Variants in CPSF6 observed in about 807,000 individuals in gnomAD.
CPSF6 encodes the protein cleavage and polyadenylation specific factor 6.
In CPSF6, 10 loss-of-function variants were observed where a neutral mutation model predicts 56.7. That is an observed-to-expected ratio of 0.18 (90% CI 0.11 to 0.30). The LOEUF (loss-of-function observed/expected upper bound fraction) is 0.30, where lower values mean the gene tolerates loss of function less well. Ranked by LOEUF, CPSF6 falls within the 10% of genes least tolerant of loss-of-function variation. The pLI is 1.00. For synonymous variants in CPSF6, 248 were observed against 244.8 expected (o/e 1.01, Z -0.12); for missense variants, 419 against 722.9 (o/e 0.58, Z 4.82).
chr12:69,247,090 G>A (rs1871948630), intron 1 of CPSF6, among the ~76,000 whole-genome samples: 1 of 150,958 alleles, frequency 6.6e-6, no homozygotes, highest in Non-Finnish European at 1.5e-5. Flanking sequence ...TCGTATATCT[G>A]TGATATTAAA....
At chr12:69,256,580 C>T in intron 3 of CPSF6, 117 bp from the exon 4 acceptor site, 1 of 997,048 alleles carries the variant, frequency 1.0e-6, no homozygotes, top group Non-Finnish European at 1.5e-6. Context: ...AGGCATGAGC[C>T]ACTGTGCCCA....
At position 69,244,638 on chromosome 12, in the gene CPSF6, C is replaced by T. The variant is rs184377338; in HGVS notation, c.60+4932C>T. Among the ~76,000 whole-genome samples the T allele has an allele frequency of 1.6e-3, 245 of 152,188 alleles. 1 individual carries two copies. The highest frequency in any genetic ancestry group is 5.7e-3 in the African/African-American group (238 of 41,512). ...CAAACTCCTGGCCTCATGTGATCCT[C>T]TTGCCTCAGCCTCCCAAAGGAGGCT... is the stretch of plus-strand genomic sequence containing the variant. On this transcript the variant is annotated intron_variant, in intron 1 of 9. Coordinates refer to ENST00000435070, the MANE Select transcript of CPSF6 (RefSeq NM_007007.3).
At position 69,258,007 on chromosome 12, in the gene CPSF6, T is replaced by A. The variant is rs1872583294; in HGVS notation, c.694+102T>A. ...AATGCATTATTAATGTGACTTACTC[T>A]CCTTGTTATGCTATTTTTGGAATCC... On this transcript the variant is annotated intron_variant, in intron 5 of 9. Transcript: ENST00000435070. This position sits in a 1 kb window ranked among gnomAD's most constrained non-coding sequence, Gnocchi z 4.2. The A allele has an allele frequency of 1.3e-6, 2 of 1,531,406 alleles. No individual in the cohort carries two copies. The highest frequency in any genetic ancestry group is 2.3e-5 in the South Asian group (2 of 85,184). The allele number at this position is 1,531,406 out of a possible 1,614,324, so 94.9% of individuals were successfully genotyped here.
chr12:69,261,324 T>C (rs1014824341), intron 8 of CPSF6, among the ~76,000 whole-genome samples: 4 of 152,196 alleles, frequency 2.6e-5, no homozygotes, highest in Non-Finnish European at 5.9e-5. Context: ...CCCAACACTT[T>C]GGGAGACCAA....
rs1873285375 is a variant in CPSF6, at chr12:69,272,342, T to C, written c.*2834T>C. The C allele has an allele frequency of 6.6e-6, 1 of 151,704 alleles. No individual in the cohort carries two copies. The highest frequency in any genetic ancestry group is 1.5e-5 in the Non-Finnish European group (1 of 67,644). The allele number at this position is 151,704 out of a possible 1,614,324, so 9.4% of individuals were successfully genotyped here. A position where few individuals can be genotyped will look rare whatever the true frequency, so the allele number is the denominator to read the frequency against. ...TAATTCTCCTGTGGAGAATATTGCT[T>C]TATTTTTTACTAGTTTCAGGTCAGT... On this transcript the variant is annotated 3_prime_UTR_variant, in exon 10 of 10. Coordinates refer to ENST00000435070, the MANE Select transcript of CPSF6 (RefSeq NM_007007.3).
Position 69,253,115 on chromosome 12 carries a change from TA to T in CPSF6, c.339del (p.Lys113AsnfsTer28). 1 of 1,602,862 alleles carries T rather than the reference TA, an allele frequency of 6.2e-7. No individual in the cohort carries two copies. The highest frequency in any genetic ancestry group is 8.5e-7 in the Non-Finnish European group (1 of 1,175,416). ...HSLGVNDILEIKFFENRANGQ... is the reference protein window; with the variant it reads ...HSLGVNDILEXKFFENRANGQ... ...TTGGGAGTAAATGATATTTTGGAGATAAAATTTTTTGAAAATCGGGCAAATG... is the reference window on the plus strand; with the variant it reads ...TTGGGAGTAAATGATATTTTGGAGATAAATTTTTTGAAAATCGGGCAAATG... On this transcript the variant is annotated frameshift_variant, in exon 3 of 10. Coordinates refer to ENST00000435070, the MANE Select transcript of CPSF6 (RefSeq NM_007007.3). LOFTEE classifies it high-confidence loss of function.
intron 3 of CPSF6, 70 bp downstream of exon 3, chr12:69,253,224 T>C: frequency 1.3e-6 from 1 of 788,322 alleles, no homozygotes; most frequent in South Asian, 1.7e-5. Flanking sequence ...AACTTTCCTT[T>C]AAGTTAATGT....
Position 69,273,913 on chromosome 12 carries a change from A to G in CPSF6, c.*4405A>G, listed in dbSNP as rs1321964659. The stretch of plus-strand genomic sequence containing the variant: ...TTACAAAGTTGTTTTACAATTTTTA[A>G]TGGAAAGCCCTTAACAACAACAACA... On this transcript the variant is annotated 3_prime_UTR_variant, in exon 10 of 10. Transcript: ENST00000435070. The G allele has an allele frequency of 6.6e-6, 1 of 151,942 alleles. No homozygotes were observed. The highest frequency in any genetic ancestry group is 2.4e-5 in the African/African-American group (1 of 41,410). The allele number at this position is 151,942 out of a possible 1,614,324, so 9.4% of individuals were successfully genotyped here. A position where few individuals can be genotyped will look rare whatever the true frequency, so the allele number is the denominator to read the frequency against.
intron 4 of CPSF6, 71 bp from the exon 5 acceptor site, chr12:69,257,661 T>C (rs1762908396): frequency 7.0e-7 from 1 of 1,421,128 alleles, no homozygotes; most frequent in Admixed American, 2.2e-5. Flanking sequence ...GAGTTGTTTT[T>C]AATAATAGTG....
At chr12:69,249,060 C>T (rs1872066951) in intron 1 of CPSF6, among the ~76,000 whole-genome samples, 1 of 149,786 alleles carries the variant, frequency 6.7e-6, no homozygotes, top group African/African-American at 2.5e-5. Flanking sequence ...TCCTGGCTAA[C>T]CCATCCTGCC....
chr12:69,269,421 G>A, intron 9 of CPSF6, 91 bp from the exon 10 acceptor site: 2 of 421,270 alleles, frequency 4.7e-6, no homozygotes, highest in South Asian at 3.4e-5. Flanking sequence ...TGAAGTAGAT[G>A]CACGACTTGT....
chr12:69,265,368 T>TTAC (rs1420077680), intron 9 of CPSF6, among the ~76,000 whole-genome samples: 1 of 152,152 alleles, frequency 6.6e-6, no homozygotes, highest in African/African-American at 2.4e-5. Flanking sequence ...ACTTAAAAGG[T>TTAC]TACGTTCCTC....
intron 4 of CPSF6, 142 bp from the exon 5 acceptor site, chr12:69,257,590 C>A: frequency 1.5e-6 from 1 of 685,260 alleles, no homozygotes; most frequent in Non-Finnish European, 2.4e-6. Flanking sequence ...TTTCCTAAAC[C>A]ATACTTTCTT....
chr12:69,244,278 C>T (rs1311548194), intron 1 of CPSF6, among the ~76,000 whole-genome samples: 1 of 152,092 alleles, frequency 6.6e-6, no homozygotes, highest in Non-Finnish European at 1.5e-5. Context: ...CTTTGTCACC[C>T]AGGCTGAAGT....
intron 1 of CPSF6, among the ~76,000 whole-genome samples, chr12:69,240,061 G>T (rs968411119): frequency 2.0e-5 from 3 of 151,586 alleles, no homozygotes; most frequent in South Asian, 2.1e-4. Flanking sequence ...TGTAAGCGGC[G>T]GAGAGAACTG....
intron 9 of CPSF6, among the ~76,000 whole-genome samples, chr12:69,263,739 T>C (rs958166002): frequency 1.8e-4 from 28 of 152,234 alleles, no homozygotes; most frequent in African/African-American, 5.3e-4. Flanking sequence ...CCATAACAGA[T>C]ACGCAAATGA....
intron 6 of CPSF6, 150 bp from the exon 7 acceptor site, chr12:69,259,278 G>C (rs1302141125): frequency 7.9e-7 from 1 of 1,266,646 alleles, no homozygotes; most frequent in African/African-American, 1.5e-5. Flanking sequence ...TGTTCTCTTT[G>C]TTGGAAAAGT....
chr12:69,259,072 G>A lies in CPSF6; in HGVS notation c.1177G>A (p.Gly393Ser), dbSNP rs1156703748. The A allele has an allele frequency of 6.2e-7, 1 of 1,601,832 alleles. No individual in the cohort carries two copies. ...TGGGCGACCTCCACCATATGATAGGGGTGACTATGGCCCCCCTGGAAGGTA... is the reference window on the plus strand; with the variant it reads ...TGGGCGACCTCCACCATATGATAGGAGTGACTATGGCCCCCCTGGAAGGTA... ...PYGRPPPYDR[G>S]DYGPPGREMD... The change falls in exon 6 of 10, where the codon GGT (glycine) becomes AGT (serine). Residue 393 changes from glycine (G) to serine (S), a missense_variant. Physicochemically the swap from Gly to Ser is moderately conservative, Grantham distance 56. Around this residue, in one of 4 missense-constraint regions of CPSF6, gnomAD observed 211 missense variants for 296.0 expected, o/e 0.71. Transcript: ENST00000435070.
intron 1 of CPSF6, among the ~76,000 whole-genome samples, chr12:69,250,590 C>CAAAAAAAAA (rs61337613): frequency 3.5e-4 from 17 of 48,102 alleles, no homozygotes; most frequent in East Asian, 7.0e-4. Context: ...CTGGTCTCTA[C>CAAAAAAAAA]AAAAAAAAAA....
Sources: gnomAD v4.1 joint callset for allele counts (sites outside exome capture counted in the v4.1 genomes callset) on GRCh38, gnomAD v4.1.1 for gene constraint, gnomAD v4.1.1 regional missense constraint, Gnocchi (gnomAD v3.1) non-coding constraint, MANE v1.5 for transcripts, NCBI Gene and HGNC (gene_info 2026-07-23, HGNC 2026-07-21) for gene names.